Variants in RALGAPA1 observed in about 807,000 individuals in gnomAD.
RALGAPA1 encodes the protein Ral GTPase activating protein catalytic subunit alpha 1.
Under a neutral mutation model 269.6 loss-of-function variants are expected in RALGAPA1, and 52 were observed. The ratio of observed to expected loss-of-function variants is 0.19; its 90% CI spans 0.15 to 0.24. RALGAPA1 has a LOEUF of 0.24. Ranked by LOEUF, RALGAPA1 falls within the 10% of genes least tolerant of loss-of-function variation. The probability of loss-of-function intolerance (pLI) is 1.00; values close to 1 mark genes in which losing one functional copy is unlikely to be tolerated. For synonymous variants in RALGAPA1, 817 were observed against 1,008.3 expected, an observed-to-expected ratio of 0.81 and a Z score of 3.60; for missense variants, 1,917 against 3,013.9, an observed-to-expected ratio of 0.64 and a Z score of 8.52.
intron 39 of RALGAPA1, among the ~76,000 whole-genome samples, chr14:35,562,481 C>T (rs529556406): frequency 1.3e-5 from 2 of 152,266 alleles, no homozygotes; most frequent in Admixed American, 1.3e-4. Flanking sequence ...TAATGAATGA[C>T]GTCTGAAAAT....
At chr14:35,572,858 A>T in intron 37 of RALGAPA1, 140 bp from the exon 38 acceptor site, 1 of 482,388 alleles carries the variant, frequency 2.1e-6, no homozygotes, top group East Asian at 3.4e-5. Flanking sequence ...TATGAAACAC[A>T]AACACTCAAA....
At chr14:35,751,807 AACAAC>A (rs763125396) in intron 8 of RALGAPA1, among the ~76,000 whole-genome samples, 15,900 of 144,612 alleles carry the variant, frequency 0.11, 914 homozygotes, top group South Asian at 0.13. Flanking sequence ...CAACAACAAC[AACAAC>A]AAAAAAAAAC....
At chr14:35,556,071 A>G (rs1425767609) in intron 39 of RALGAPA1, among the ~76,000 whole-genome samples, 1 of 152,216 alleles carries the variant, frequency 6.6e-6, no homozygotes, top group African/African-American at 2.4e-5. Flanking sequence ...AAAACAAACC[A>G]CATTTGGCAC....
intron 37 of RALGAPA1, among the ~76,000 whole-genome samples, chr14:35,585,826 C>T (rs2058244486): frequency 6.6e-6 from 1 of 152,154 alleles, no homozygotes; most frequent in Admixed American, 6.5e-5. Context: ...TGTTTTGGTA[C>T]CAGTACCATC....
chr14:35,775,851 T>A lies in RALGAPA1; in HGVS notation c.107-106A>T, dbSNP rs534129448. 5.1e-5 allele frequency: 56 copies of A among 1,100,600 alleles called. 1 individual carries two copies. In the South Asian group the frequency reaches 1.4e-3, roughly 27 times the overall value. 68.2% of individuals were successfully genotyped at this position (1,100,600 alleles called of 1,614,324 possible). A position where few individuals can be genotyped will look rare whatever the true frequency, so the allele number is the denominator to read the frequency against. On this transcript the variant is annotated intron_variant, in intron 1 of 41. Coordinates refer to ENST00000680220, the MANE Select transcript of RALGAPA1 (RefSeq NM_001346249.2). The stretch of plus-strand genomic sequence containing the variant: ...CAAAGTCAAAGAACTGCTCCTAAAA[T>A]TCTATTCTATTAAAATATTTACAAT...
chr14:35,633,862 T>C (rs2139714818), intron 33 of RALGAPA1, among the ~76,000 whole-genome samples: 1 of 152,272 alleles, frequency 6.6e-6, no homozygotes, highest in South Asian at 2.1e-4. Context: ...TTCTCTTCTA[T>C]CAGAGAGAGA....
chr14:35,691,471 A>G (rs1008287507), intron 17 of RALGAPA1, among the ~76,000 whole-genome samples: 3 of 152,236 alleles, frequency 2.0e-5, no homozygotes, highest in African/African-American at 7.2e-5. Flanking sequence ...TTCTTGCACA[A>G]AAGTTAAATG....
chr14:35,748,496 A>C, intron 10 of RALGAPA1, 89 bp downstream of exon 10: 1 of 1,422,984 alleles, frequency 7.0e-7, no homozygotes, highest in Non-Finnish European at 9.2e-7. Flanking sequence ...CTAAAGGTAC[A>C]CACCACTGTT....
intron 15 of RALGAPA1, 95 bp from the exon 16 acceptor site, chr14:35,721,944 C>T: frequency 3.0e-6 from 3 of 1,014,016 alleles, no homozygotes; most frequent in Admixed American, 2.1e-5. Flanking sequence ...CTTAGGTTTG[C>T]TCACATAAAT....
In RALGAPA1 at chr14:35,755,189, C is replaced by CA. The variant is rs34912813; in HGVS notation, c.663+1603dup. The stretch of plus-strand genomic sequence containing the variant: ...ACAGTGAGACCTTATCTCTCTCTAA[C>CA]AAAAAAAAAAAAAGTTTTAGTTCGC... On this transcript the variant is annotated intron_variant, in intron 7 of 41. Coordinates refer to ENST00000680220, the MANE Select transcript of RALGAPA1 (RefSeq NM_001346249.2). Among the ~76,000 whole-genome samples the CA allele has an allele frequency of 1.4e-3, 199 of 139,068 alleles. 1 individual carries two copies. Among genetic ancestry groups the CA allele is most frequent in the Middle Eastern group, 3.7e-3 (1 of 268 alleles). The allele number at this position is 139,068 out of a possible 152,430, so 91.2% of individuals were successfully genotyped here.
chr14:35,674,715 G>GA lies in RALGAPA1; in HGVS notation c.4625-7dup. 2.7e-6 allele frequency: 4 copies of GA among 1,497,430 alleles called. No individual in the cohort carries two copies. Among genetic ancestry groups the GA allele is most frequent in the Admixed American group, 1.8e-5 (1 of 55,186 alleles). 92.8% of individuals were successfully genotyped at this position (1,497,430 alleles called of 1,614,324 possible). A position where few individuals can be genotyped will look rare whatever the true frequency, so the allele number is the denominator to read the frequency against. ...TGATGGAAATTCACTAATTTCTATA[G>GA]AAAAAAATATATAGTGTCAGCCATT... On this transcript the variant is annotated splice_polypyrimidine_tract_variant and splice_region_variant and intron_variant, in intron 22 of 41. Coordinates refer to ENST00000680220, the MANE Select transcript of RALGAPA1 (RefSeq NM_001346249.2).
chr14:35,572,006 C>T (rs528875731), intron 38 of RALGAPA1, among the ~76,000 whole-genome samples: 5 of 152,214 alleles, frequency 3.3e-5, no homozygotes, highest in Non-Finnish European at 5.9e-5. Flanking sequence ...AAAAATACTA[C>T]CAAACTTTTA....
chr14:35,639,964 A>G (rs1313603642), intron 31 of RALGAPA1, among the ~76,000 whole-genome samples: 2 of 151,924 alleles, frequency 1.3e-5, no homozygotes, highest in African/African-American at 4.8e-5. Context: ...AAAAGAAATT[A>G]AACAATATCT....
intron 16 of RALGAPA1, chr14:35,715,750 G>A: frequency 4.1e-6 from 4 of 985,310 alleles, no homozygotes; most frequent in Non-Finnish European, 3.6e-6. Flanking sequence ...AATTTAACAT[G>A]GAAGTCTTCA....
chr14:35,691,919 A>G (rs753200186), intron 17 of RALGAPA1, among the ~76,000 whole-genome samples: 3 of 152,146 alleles, frequency 2.0e-5, no homozygotes, highest in Non-Finnish European at 4.4e-5. Flanking sequence ...TTTCTTCCTC[A>G]TGCACTCCAC....
In RALGAPA1 at chr14:35,688,561, TC is replaced by T; in HGVS notation, c.3849del (p.Lys1284ArgfsTer18). 1.3e-6 allele frequency: 2 copies of T among 1,536,098 alleles called. No individual in the cohort carries two copies. Among genetic ancestry groups the T allele is most frequent in the Non-Finnish European group, 1.7e-6 (2 of 1,146,872 alleles). ...YKTVVHALSK[P>X]KANVSPQRQN... ...TGCCTCTGTGGGGAAACATTTGCCTTCGGCTTCGAAAGAGCATGTACAACAG... is the reference window on the plus strand; with the variant it reads ...TGCCTCTGTGGGGAAACATTTGCCTTGGCTTCGAAAGAGCATGTACAACAG... On this transcript the variant is annotated frameshift_variant, in exon 18 of 42. Transcript: ENST00000680220. LOFTEE classifies it high-confidence loss of function.
rs757110535 is a variant in RALGAPA1, at chr14:35,742,352, A to C, written c.1449+16T>G. 2.6e-6 allele frequency: 4 copies of C among 1,541,984 alleles called. No individual in the cohort carries two copies. The Admixed American group carries it at 5.7e-5, about 22-fold the overall frequency. ...TATTAGACTAACACTAAAATATATA[A>C]ATCTTATAACTTCACCTCTTCTCTT... On this transcript the variant is annotated intron_variant, in intron 11 of 41. Transcript: ENST00000680220.
chr14:35,750,775 A>G, intron 8 of RALGAPA1, 85 bp from the exon 9 acceptor site: 1 of 1,140,128 alleles, frequency 8.8e-7, no homozygotes, highest in Non-Finnish European at 1.2e-6. Context: ...TACTTGAGAA[A>G]ATATTGTTAT....
chr14:35,664,384 G>A lies in RALGAPA1; in HGVS notation c.5328+258C>T, dbSNP rs200783266. ...TGGCTCATGGGGTATTTCAATAAAT[G>A]TTCAGTAAGTGAATGAATCCTAACA... On this transcript the variant is annotated intron_variant, in intron 27 of 41. Coordinates refer to ENST00000680220, the MANE Select transcript of RALGAPA1 (RefSeq NM_001346249.2). Among the ~76,000 whole-genome samples the A allele has an allele frequency of 2.0e-5, 3 of 152,252 alleles. No homozygotes were observed. In the East Asian group the frequency reaches 5.8e-4, roughly 29 times the overall value.
Sources: allele counts gnomAD v4.1 joint callset (sites outside exome capture counted in the v4.1 genomes callset), GRCh38; gene constraint gnomAD v4.1.1; transcripts MANE v1.5; gene names NCBI Gene and HGNC (gene_info 2026-07-23, HGNC 2026-07-21).